NRG1: variants seen among roughly 807,000 people sequenced by gnomAD.
The protein encoded by NRG1 is pro-neuregulin-1, membrane-bound isoform.
NRG1 carries 18 observed loss-of-function variants against 63.8 expected under a neutral mutation model. The observed-to-expected ratio is 0.28, with a 90% CI of 0.19 to 0.42. The LOEUF is 0.42. Ranked by LOEUF, NRG1 falls within the 10% of genes least tolerant of loss-of-function variation. NRG1 has a pLI of 1.00. For missense variants in NRG1, 762 were observed against 814.7 expected (o/e 0.94, Z 0.79); for synonymous variants, 302 against 301.3 (o/e 1.00, Z -0.02).
intron 1 of NRG1, among the ~76,000 whole-genome samples, chr8:31,930,384 A>G (rs1009509400): frequency 1.3e-5 from 2 of 152,248 alleles, no homozygotes; most frequent in African/African-American, 4.8e-5. Flanking sequence ...TACAGTTTCT[A>G]GAACCTAGCA....
chr8:31,866,467 G>C (rs868701542), intron 1 of NRG1, among the ~76,000 whole-genome samples: 5 of 152,068 alleles, frequency 3.3e-5, no homozygotes, highest in African/African-American at 1.2e-4. Context: ...AAAGAAGAGG[G>C]ATACAATTTG....
chr8:32,191,376 G>A (rs1293006343), intron 1 of NRG1, among the ~76,000 whole-genome samples: 2 of 152,096 alleles, frequency 1.3e-5, no homozygotes, highest in Non-Finnish European at 2.9e-5. Context: ...CACCACACCT[G>A]GCCCAAAGTT....
intron 1 of NRG1, among the ~76,000 whole-genome samples, chr8:31,808,516 T>A (rs932204573): frequency 3.3e-5 from 5 of 152,078 alleles, no homozygotes; most frequent in African/African-American, 1.2e-4. Flanking sequence ...TTTTCTCCAT[T>A]TCTTCTGCAT....
intron 5 of NRG1, among the ~76,000 whole-genome samples, chr8:32,675,466 CA>C (rs34729417): frequency 6.6e-6 from 1 of 152,112 alleles, no homozygotes; most frequent in Non-Finnish European, 1.5e-5. Context: ...TTATTTTCCC[CA>C]AAAAGTACTT....
At chr8:32,648,118 G>T in intron 5 of NRG1, 2 of 1,614,116 alleles carry the variant, frequency 1.2e-6, no homozygotes, top group Non-Finnish European at 8.5e-7. Flanking sequence ...TCAGCTGTGT[G>T]GGTGTCGTCT....
intron 1 of NRG1, among the ~76,000 whole-genome samples, chr8:31,890,392 G>T (rs898570099): frequency 6.6e-6 from 1 of 152,144 alleles, no homozygotes; most frequent in Non-Finnish European, 1.5e-5. Context: ...TAACAAAATT[G>T]TTGAAAAATT....
chr8:32,139,122 C>G (rs765295937), intron 1 of NRG1: 8 of 152,210 alleles, frequency 5.3e-5, no homozygotes, highest in Non-Finnish European at 1.0e-4. Context: ...TACCCAGATA[C>G]ATGCAGAGTC....
intron 1 of NRG1, among the ~76,000 whole-genome samples, chr8:32,468,241 C>T (rs946733736): frequency 1.3e-5 from 2 of 152,134 alleles, no homozygotes; most frequent in Non-Finnish European, 2.9e-5. Flanking sequence ...TAATTACAGT[C>T]CAGCTTAGCC....
intron 1 of NRG1, among the ~76,000 whole-genome samples, chr8:32,080,693 A>G (rs1233951285): frequency 6.6e-6 from 1 of 152,000 alleles, no homozygotes; most frequent in East Asian, 1.9e-4. Context: ...AGGAACAGGC[A>G]TGCTAGGTGA....
intron 5 of NRG1, among the ~76,000 whole-genome samples, chr8:32,653,323 T>C (rs1005451285): frequency 6.6e-6 from 1 of 152,216 alleles, no homozygotes; most frequent in Non-Finnish European, 1.5e-5. Context: ...CTTGCTTTCT[T>C]ATACATATAC....
intron 1 of NRG1, among the ~76,000 whole-genome samples, chr8:32,409,892 A>T (rs1376261525): frequency 6.6e-6 from 1 of 152,098 alleles, no homozygotes; most frequent in Non-Finnish European, 1.5e-5. Flanking sequence ...TTGCTGATGG[A>T]TTTCTCCCAG....
chr8:32,388,665 T>C (rs1440252445), intron 1 of NRG1, among the ~76,000 whole-genome samples: 2 of 151,368 alleles, frequency 1.3e-5, no homozygotes, highest in South Asian at 2.1e-4. Flanking sequence ...GTTTTTTTTT[T>C]TCGTCTCAAA....
Position 32,615,139 on chromosome 8 carries a change from G to A in NRG1, c.451+575G>A, listed in dbSNP as rs116779486. Among the ~76,000 whole-genome samples, 899 of 152,246 alleles carry A rather than the reference G, an allele frequency of 5.9e-3. 10 individuals are homozygous for A. Among genetic ancestry groups the A allele is most frequent in the African/African-American group, 0.021 (856 of 41,564 alleles). On this transcript the variant is annotated intron_variant, in intron 4 of 11. Coordinates refer to ENST00000356819, the Ensembl canonical transcript of NRG1. ...GCACTTATAGTCTGAGCAGATATTA[G>A]CAACTTAGAACCCAACTCTAGCAAT...
chr8:32,217,041 C>T (rs1011017656), intron 1 of NRG1, among the ~76,000 whole-genome samples: 4 of 151,498 alleles, frequency 2.6e-5, no homozygotes, highest in Non-Finnish European at 5.9e-5. Flanking sequence ...GGTGAAACCC[C>T]GTCTCTACTA....
At chr8:31,705,315 G>A (rs1186904401) in intron 1 of NRG1, among the ~76,000 whole-genome samples, 1 of 152,010 alleles carries the variant, frequency 6.6e-6, no homozygotes, top group Non-Finnish European at 1.5e-5. Context: ...CAAAGTGCTG[G>A]GATTACAGGC....
chr8:32,129,992 C>G (rs1004880700), intron 1 of NRG1, among the ~76,000 whole-genome samples: 24 of 151,870 alleles, frequency 1.6e-4, no homozygotes, highest in African/African-American at 5.6e-4. Context: ...AATCCATCAC[C>G]AAATAAACTA....
intron 1 of NRG1, among the ~76,000 whole-genome samples, chr8:32,267,186 AGAAGGAAG>A (rs138029737): frequency 0.11 from 16,039 of 149,402 alleles, 1,101 homozygotes; most frequent in African/African-American, 0.19. Flanking sequence ...GGAAGGAGAA[AGAAGGAAG>A]GAAGGAAGGA....
At chr8:31,930,156 C>G (rs1415599361) in intron 1 of NRG1, among the ~76,000 whole-genome samples, 1 of 152,062 alleles carries the variant, frequency 6.6e-6, no homozygotes, top group African/African-American at 2.4e-5. Flanking sequence ...ACATGAAGGT[C>G]CTGAATAATA....
chr8:32,317,701 A>G (rs1293694015), intron 1 of NRG1, among the ~76,000 whole-genome samples: 6 of 152,244 alleles, frequency 3.9e-5, no homozygotes, highest in African/African-American at 1.2e-4. Flanking sequence ...AGCAGAACAA[A>G]TGCAAGGATA....
Sources: gnomAD v4.1 joint callset for allele counts (sites outside exome capture counted in the v4.1 genomes callset) on GRCh38, gnomAD v4.1.1 for gene constraint, MANE v1.5 for transcripts, NCBI Gene and HGNC (gene_info 2026-07-23, HGNC 2026-07-21) for gene names.